The following ADGRG6 variants were observed in gnomAD, a reference collection of about 807,000 sequenced individuals.
The protein encoded by ADGRG6 is adhesion G protein-coupled receptor G6.
A neutral mutation model predicts 142.4 loss-of-function variants in ADGRG6; 84 were observed. The ratio of observed to expected loss-of-function variants is 0.59; its 90% CI spans 0.49 to 0.71. The LOEUF is 0.71. Ranked by LOEUF, ADGRG6 falls within the 30% of genes least tolerant of loss-of-function variation. ADGRG6 has a pLI of 0.00. For synonymous variants in ADGRG6, 521 were observed against 520.5 expected (o/e 1.00, Z -0.01); for missense variants, 1,367 against 1,466.6 (o/e 0.93, Z 1.11).
At chr6:142,398,271 G>A (rs1258683401) in intron 10 of ADGRG6, among the ~76,000 whole-genome samples, 1 of 152,132 alleles carries the variant, frequency 6.6e-6, no homozygotes, top group African/African-American at 2.4e-5. Context: ...GAAAGATTAA[G>A]AAATTAGTTG....
chr6:142,418,865 C>A (rs965929610), intron 21 of ADGRG6, among the ~76,000 whole-genome samples: 8 of 152,142 alleles, frequency 5.3e-5, no homozygotes, highest in Admixed American at 5.2e-4. Context: ...ATTCCTATAG[C>A]GTCGATTAGG....
chr6:142,440,924 G>T (rs1203161730), intron 24 of ADGRG6: 1 of 1,488,490 alleles, frequency 6.7e-7, no homozygotes, highest in Non-Finnish European at 9.0e-7. Flanking sequence ...TCTCCTATGA[G>T]CATTCCTTCA....
At chr6:142,436,055 C>T (rs1390223312) in intron 22 of ADGRG6, among the ~76,000 whole-genome samples, 1 of 151,990 alleles carries the variant, frequency 6.6e-6, no homozygotes, top group Non-Finnish European at 1.5e-5. Context: ...TGAGATGCTG[C>T]CAAGGGGAGA....
chr6:142,400,384 C>T, intron 10 of ADGRG6, 101 bp from the exon 11 acceptor site: 1 of 622,196 alleles, frequency 1.6e-6, no homozygotes, highest in South Asian at 2.0e-5. Context: ...AAAGAAATAC[C>T]TAATTACCAG....
At position 142,420,113 on chromosome 6, in the gene ADGRG6, A is replaced by T; in HGVS notation, c.3319+9A>T. On this transcript the variant is annotated intron_variant, in intron 22 of 24. Transcript: ENST00000367609. Reference sequence around the variant, plus strand: ...CTTCAATTCATTACAAGGTAAGATAAATTGTACATGAATAGTCTCTGCTTT... The same window carrying T: ...CTTCAATTCATTACAAGGTAAGATATATTGTACATGAATAGTCTCTGCTTT... The T allele has an allele frequency of 6.2e-7, 1 of 1,601,768 alleles. No homozygotes were observed. Among genetic ancestry groups the T allele is most frequent in the African/African-American group, 1.3e-5 (1 of 74,708 alleles).
intron 2 of ADGRG6, among the ~76,000 whole-genome samples, chr6:142,324,862 A>C (rs942765562): frequency 1.3e-5 from 2 of 152,132 alleles, no homozygotes; most frequent in East Asian, 1.9e-4. Flanking sequence ...GATTCTGCCC[A>C]AAACTAAGAA....
At chr6:142,329,400 T>C (rs73578331) in intron 2 of ADGRG6, among the ~76,000 whole-genome samples, 4,442 of 152,258 alleles carry the variant, frequency 0.029, 225 homozygotes, top group African/African-American at 0.1. Context: ...AAAGAAGACA[T>C]TTATGCCAAA....
At chr6:142,419,162 T>C (rs1463113278) in intron 21 of ADGRG6, among the ~76,000 whole-genome samples, 1 of 151,958 alleles carries the variant, frequency 6.6e-6, no homozygotes, top group Non-Finnish European at 1.5e-5. Flanking sequence ...TGAGTAGGAG[T>C]TTACTCTTTG....
intron 6 of ADGRG6, among the ~76,000 whole-genome samples, chr6:142,386,824 C>T (rs1358759280): frequency 2.6e-5 from 4 of 152,082 alleles, no homozygotes; most frequent in African/African-American, 9.7e-5. Flanking sequence ...GCCAGGACTC[C>T]ATCCCATGGC....
At chr6:142,312,904 A>C (rs1016231222) in intron 2 of ADGRG6, among the ~76,000 whole-genome samples, 1 of 152,118 alleles carries the variant, frequency 6.6e-6, no homozygotes, top group Non-Finnish European at 1.5e-5. Flanking sequence ...TTGGGAAGCT[A>C]TTCATGATAA....
intron 2 of ADGRG6, among the ~76,000 whole-genome samples, chr6:142,323,965 A>G (rs1778639612): frequency 6.6e-6 from 1 of 152,018 alleles, no homozygotes; most frequent in Non-Finnish European, 1.5e-5. Context: ...AGAGCTTCTC[A>G]TAGACCTCTA....
intron 22 of ADGRG6, among the ~76,000 whole-genome samples, chr6:142,427,577 G>C (rs1777009272): frequency 6.6e-6 from 1 of 152,086 alleles, no homozygotes; most frequent in Non-Finnish European, 1.5e-5. Flanking sequence ...TTCCCAAGTT[G>C]CTTCCACATA....
intron 2 of ADGRG6, among the ~76,000 whole-genome samples, chr6:142,323,192 T>G (rs1394590507): frequency 6.6e-6 from 1 of 151,760 alleles, no homozygotes; most frequent in Non-Finnish European, 1.5e-5. Context: ...ATAGGACCCA[T>G]AATCATCAGC....
At position 142,325,092 on chromosome 6, in the gene ADGRG6, C is replaced by A. The variant is rs1778704600; in HGVS notation, c.103+15448C>A. 5.9e-5 allele frequency among the ~76,000 whole-genome samples: 9 copies of A among 152,112 alleles called. No individual in the cohort carries two copies. In the South Asian group the frequency reaches 1.7e-3, roughly 28 times the overall value. On this transcript the variant is annotated intron_variant, in intron 2 of 24. Transcript: ENST00000367609. ...AATCCTCGTAGCTCATTCTGCATTT[C>A]AGTCATTTTGTCTCTTGCTGTATAC...
intron 23 of ADGRG6, 115 bp downstream of exon 23, chr6:142,437,650 A>T (rs1284182616): frequency 1.5e-6 from 1 of 657,346 alleles, no homozygotes; most frequent in Non-Finnish European, 2.8e-6. Flanking sequence ...GAAGTGGAGC[A>T]TGTGAAGATG....
intron 2 of ADGRG6, among the ~76,000 whole-genome samples, chr6:142,351,825 GGAACTT>G (rs1457137307): frequency 6.6e-6 from 1 of 152,102 alleles, no homozygotes; most frequent in African/African-American, 2.4e-5. Context: ...GGATCTATAA[GGAACTT>G]GAACGGATTG....
intron 21 of ADGRG6, among the ~76,000 whole-genome samples, 198 bp from the exon 22 acceptor site, chr6:142,419,623 C>T (rs1776556348): frequency 6.6e-6 from 1 of 152,014 alleles, no homozygotes; most frequent in Non-Finnish European, 1.5e-5. Context: ...GATATTAAGA[C>T]AATGGCCATC....
intron 2 of ADGRG6, among the ~76,000 whole-genome samples, chr6:142,318,136 T>C (rs1778265253): frequency 2.3e-5 from 1 of 43,140 alleles, no homozygotes; most frequent in African/African-American, 9.5e-5. Context: ...ATTATATATT[T>C]ATATAATATA....
intron 2 of ADGRG6, among the ~76,000 whole-genome samples, chr6:142,325,965 C>T (rs1778756408): frequency 6.6e-6 from 1 of 151,684 alleles, no homozygotes; most frequent in Admixed American, 6.6e-5. Context: ...AGAAAAAAAA[C>T]CCACCTAAAA....
Sources: allele counts gnomAD v4.1 joint callset (sites outside exome capture counted in the v4.1 genomes callset), GRCh38; gene constraint gnomAD v4.1.1; transcripts MANE v1.5; gene names NCBI Gene and HGNC (gene_info 2026-07-23, HGNC 2026-07-21).